The following ECPAS variants were observed in gnomAD, a reference collection of about 807,000 sequenced individuals.
The protein encoded by ECPAS is proteasome adapter and scaffold protein ECM29.
In ECPAS, 70 loss-of-function variants were observed where a neutral mutation model predicts 255.1. The observed-to-expected ratio is 0.27, with a 90% confidence interval of 0.23 to 0.33. ECPAS has a LOEUF of 0.33. ECPAS is among the 10% of genes least tolerant of loss of function. ECPAS has a pLI of 1.00. For missense variants in ECPAS, 1,817 were observed against 2,206.4 expected, an observed-to-expected ratio of 0.82 and a Z score of 3.54; for synonymous variants, 784 against 775.0, an observed-to-expected ratio of 1.01 and a Z score of -0.19.
chr9:111,479,731 A>T (rs1000866897), intron 1 of ECPAS, among the ~76,000 whole-genome samples: 2 of 152,170 alleles, frequency 1.3e-5, no homozygotes, highest in African/African-American at 4.8e-5. Context: ...CTGTAATCCC[A>T]GCACTGTGGG....
chr9:111,475,814 G>C (rs888680050), intron 1 of ECPAS, among the ~76,000 whole-genome samples: 1 of 151,972 alleles, frequency 6.6e-6, no homozygotes, highest in African/African-American at 2.4e-5. Context: ...AATATCCGTG[G>C]TCATTTTTCC....
chr9:111,397,117 C>T lies in ECPAS; in HGVS notation c.2689G>A (p.Ala897Thr), dbSNP rs190173936. The stretch of plus-strand genomic sequence containing the variant: ...GTTCCTATTGCAGCACTGGTAATGG[C>T]TTCGCCAATAGTGAACTGAAGTTCT... ...QIELQFTIGE[A>T]ITSAAIGTSS... The change falls in exon 25 of 50, where the codon GCC becomes ACC. Residue 897 changes from alanine to threonine, a missense_variant. Coordinates refer to ENST00000684092, the MANE Select transcript of ECPAS (RefSeq NM_001364929.1). 2 of 1,613,926 alleles carry T rather than the reference C, an allele frequency of 1.2e-6. No homozygotes were observed.
chr9:111,472,926 C>A lies in ECPAS; in HGVS notation c.-8G>T. 1 of 1,247,704 alleles carries A rather than the reference C, an allele frequency of 8.0e-7. No individual in the cohort carries two copies. The highest frequency in any genetic ancestry group is 1.4e-5 in the South Asian group (1 of 70,484). 77.3% of individuals were successfully genotyped at this position (1,247,704 alleles called of 1,614,324 possible). ...ACAATCAATGTGATACATGGTTTATCCAATCTTGACAAAAATCCTCGGGAT... is the reference window on the plus strand; with the variant it reads ...ACAATCAATGTGATACATGGTTTATACAATCTTGACAAAAATCCTCGGGAT... On this transcript the variant is annotated 5_prime_UTR_variant, in exon 2 of 50. Transcript: ENST00000684092.
At chr9:111,414,760 T>A (rs1329134437) in intron 18 of ECPAS, 109 bp from the exon 19 acceptor site, 3 of 970,700 alleles carry the variant, frequency 3.1e-6, no homozygotes, top group African/African-American at 1.6e-5. Flanking sequence ...CACTTCTTTA[T>A]AAAGCTATTC....
chr9:111,417,701 G>A (rs547521927), intron 17 of ECPAS, among the ~76,000 whole-genome samples, 182 bp downstream of exon 17: 3 of 151,284 alleles, frequency 2.0e-5, no homozygotes, highest in Admixed American at 6.6e-5. Flanking sequence ...AGCCAAGACC[G>A]TGCCATTGCA....
intron 37 of ECPAS, among the ~76,000 whole-genome samples, chr9:111,376,226 G>A (rs984530494): frequency 7.9e-5 from 12 of 152,154 alleles, no homozygotes; most frequent in Non-Finnish European, 1.6e-4. Context: ...TAAATTTATA[G>A]AGAGCTCTTG....
chr9:111,380,501 T>C (rs1589124209), intron 35 of ECPAS, among the ~76,000 whole-genome samples: 2 of 152,352 alleles, frequency 1.3e-5, no homozygotes, highest in East Asian at 1.9e-4. Flanking sequence ...TTCTTAAGGC[T>C]TTAGGATTTT....
chr9:111,439,791 G>A (rs1270706004), intron 6 of ECPAS, among the ~76,000 whole-genome samples: 4 of 152,156 alleles, frequency 2.6e-5, no homozygotes, highest in East Asian at 1.9e-4. Flanking sequence ...AGCATAGAGA[G>A]GGGGTGTAGA....
intron 28 of ECPAS, among the ~76,000 whole-genome samples, chr9:111,392,503 C>G (rs1190566760): frequency 6.6e-6 from 1 of 152,180 alleles, no homozygotes; most frequent in African/African-American, 2.4e-5. Context: ...ATTTAGCCAA[C>G]AGTAATTACG....
chr9:111,456,127 ATCT>A (rs1485348044), intron 2 of ECPAS, among the ~76,000 whole-genome samples: 4 of 152,234 alleles, frequency 2.6e-5, no homozygotes, highest in African/African-American at 4.8e-5. Context: ...GGTTTTTAAA[ATCT>A]TCTTAACTAT....
rs147016540 is a variant in ECPAS at position 111,370,110 on chromosome 9, T to C, written c.4974+325A>G. The stretch of plus-strand genomic sequence containing the variant: ...AACTCTCCTCAAGAGAGACATGGCA[T>C]GCCCACTGTATCCTTCATCCTTGCT... On this transcript the variant is annotated intron_variant, in intron 45 of 49. Coordinates refer to ENST00000684092, the MANE Select transcript of ECPAS (RefSeq NM_001364929.1). Among the ~76,000 whole-genome samples, 3 of 152,314 alleles carry C rather than the reference T, an allele frequency of 2.0e-5. No homozygotes were observed. In the East Asian group the frequency reaches 5.8e-4, roughly 29 times the overall value.
chr9:111,408,735 T>C (rs1408661393), intron 23 of ECPAS, 63 bp from the exon 24 acceptor site: 5 of 973,826 alleles, frequency 5.1e-6, no homozygotes, highest in African/African-American at 1.7e-5. Context: ...CCCAGTGCAG[T>C]ATTTCCAAAA....
In ECPAS at chr9:111,417,913, G is replaced by A; in HGVS notation, c.1653C>T (p.Phe551=). ...CTTGGATGTAATAAACCATTTCTGG[G>A]AAGGAAGGCATCTGCTCAGAAGTAC... ...KESTSEQMPS[F]PEMVYYIQEK... is the part of the protein sequence containing the mutation. The change falls in exon 17 of 50, where the codon TTC becomes TTT. Residue 551 remains phenylalanine, a synonymous_variant. Transcript: ENST00000684092. 6.3e-7 allele frequency: 1 copy of A among 1,581,450 alleles called. No homozygotes were observed. Among genetic ancestry groups the A allele is most frequent in the Non-Finnish European group, 8.6e-7 (1 of 1,162,336 alleles).
intron 7 of ECPAS, 22 bp downstream of exon 7, chr9:111,436,918 A>G (rs754365613): frequency 1.3e-6 from 2 of 1,568,678 alleles, no homozygotes; most frequent in Non-Finnish European, 1.7e-6. Context: ...AACTACTATT[A>G]TGAGCAAGCC....
chr9:111,424,449 C>A (rs1457825514), intron 12 of ECPAS, among the ~76,000 whole-genome samples: 2 of 152,196 alleles, frequency 1.3e-5, no homozygotes, highest in African/African-American at 4.8e-5. Flanking sequence ...TATACTACTG[C>A]AAACATGCAT....
At position 111,433,322 on chromosome 9, in the gene ECPAS, A is replaced by C. The variant is rs372266726; in HGVS notation, c.759T>G (p.Leu253=). 6.2e-7 allele frequency: 1 copy of C among 1,613,896 alleles called. No individual in the cohort carries two copies. Among genetic ancestry groups the C allele is most frequent in the African/African-American group, 1.3e-5 (1 of 74,944 alleles). ...CAATCACCAAGTGGAGAACAGCTTC[A>C]AGTTCAGGCACCTGTTCAGCTTCTA... The part of the protein sequence containing the change: ...KFIEAEQVPE[L]EAVLHLVIAS... Residue 253 remains leucine, a synonymous_variant, in exon 8 of 50, where the codon CTT becomes CTG. Transcript: ENST00000684092.
chr9:111,416,261 G>GA lies in ECPAS; in HGVS notation c.1764+10dup. 1 of 1,596,528 alleles carries GA rather than the reference G, an allele frequency of 6.3e-7. No individual in the cohort carries two copies. Among genetic ancestry groups the GA allele is most frequent in the Non-Finnish European group, 8.6e-7 (1 of 1,164,156 alleles). On this transcript the variant is annotated intron_variant, in intron 18 of 49. Coordinates refer to ENST00000684092, the MANE Select transcript of ECPAS (RefSeq NM_001364929.1). ...TTACAAAAAGTAAATAGAAATATAT[G>GA]AAAGTTCTACCTCTCCAAAGGCTGC...
At chr9:111,444,992 CTTTTTT>C (rs373389870) in intron 3 of ECPAS, among the ~76,000 whole-genome samples, 12 of 105,578 alleles carry the variant, frequency 1.1e-4, no homozygotes, top group East Asian at 5.7e-4. Context: ...CTGCTCCTGG[CTTTTTT>C]TTTTTTTTTT....
intron 33 of ECPAS, 137 bp from the exon 34 acceptor site, chr9:111,384,706 T>C (rs149298163): frequency 8.2e-6 from 6 of 730,136 alleles, no homozygotes; most frequent in Admixed American, 6.7e-5. Context: ...GTTAAAAAAA[T>C]TGGTATCTCA....
Sources: allele counts gnomAD v4.1 joint callset (sites outside exome capture counted in the v4.1 genomes callset), GRCh38; gene constraint gnomAD v4.1.1; transcripts MANE v1.5; gene names NCBI Gene and HGNC (gene_info 2026-07-23, HGNC 2026-07-21).